ERC2: variants seen among roughly 807,000 people sequenced by gnomAD.
ERC2 encodes ERC protein 2.
ERC2 carries 42 observed loss-of-function variants against 114.8 expected under a neutral mutation model. The observed-to-expected ratio is 0.37, with a 90% CI of 0.29 to 0.47. The LOEUF (loss-of-function observed/expected upper bound fraction) is 0.47, where lower values mean the gene tolerates loss of function less well. Ranked by LOEUF, ERC2 falls within the 20% of genes least tolerant of loss-of-function variation. The pLI is 0.99. For synonymous variants in ERC2, 454 were observed against 425.5 expected, an observed-to-expected ratio of 1.07 and a Z score of -0.82; for missense variants, 939 against 1,150.7, an observed-to-expected ratio of 0.82 and a Z score of 2.66.
At chr3:55,621,997 C>G (rs2059348172) in intron 17 of ERC2, among the ~76,000 whole-genome samples, 1 of 152,104 alleles carries the variant, frequency 6.6e-6, no homozygotes, top group South Asian at 2.1e-4. Flanking sequence ...CAAAGGAGGC[C>G]TGGTATAATG....
At chr3:55,870,669 AG>A (rs1468962190) in intron 14 of ERC2, among the ~76,000 whole-genome samples, 1 of 152,160 alleles carries the variant, frequency 6.6e-6, no homozygotes, top group Non-Finnish European at 1.5e-5. Flanking sequence ...CTCATCACCC[AG>A]GGGTCAAGCA....
At chr3:55,820,821 G>T (rs1457384839) in intron 14 of ERC2, among the ~76,000 whole-genome samples, 1 of 152,322 alleles carries the variant, frequency 6.6e-6, no homozygotes, top group East Asian at 1.9e-4. Context: ...TCATTCATTT[G>T]TTCAACCATC....
chr3:55,815,524 G>A (rs1298757009), intron 14 of ERC2, among the ~76,000 whole-genome samples: 1 of 152,202 alleles, frequency 6.6e-6, no homozygotes, highest in Non-Finnish European at 1.5e-5. Context: ...AATCAATTCT[G>A]CCAACAACCA....
chr3:55,940,057 C>G (rs1336454013), intron 13 of ERC2, among the ~76,000 whole-genome samples: 2 of 152,148 alleles, frequency 1.3e-5, no homozygotes, highest in African/African-American at 4.8e-5. Flanking sequence ...TTCTATATTA[C>G]CAGGATGGTG....
At chr3:55,827,263 G>A (rs558444725) in intron 14 of ERC2, among the ~76,000 whole-genome samples, 27 of 148,788 alleles carry the variant, frequency 1.8e-4, no homozygotes, top group Admixed American at 1.7e-3. Flanking sequence ...GAAACAGAGA[G>A]AAAGAAAGAA....
chr3:56,275,691 C>G, intron 3 of ERC2, among the ~76,000 whole-genome samples: 1 of 152,178 alleles, frequency 6.6e-6, no homozygotes, highest in East Asian at 1.9e-4. Context: ...TCTTAGCTAG[C>G]AAACTCCCAG....
chr3:56,127,223 C>T (rs1253198583), intron 6 of ERC2, among the ~76,000 whole-genome samples: 13 of 152,124 alleles, frequency 8.5e-5, no homozygotes, highest in Admixed American at 8.5e-4. Flanking sequence ...GGAAGAATTA[C>T]TATTTTAAAA....
chr3:56,028,400 C>T (rs1462840941), intron 7 of ERC2, among the ~76,000 whole-genome samples: 1 of 152,054 alleles, frequency 6.6e-6, no homozygotes, highest in African/African-American at 2.4e-5. Context: ...GCAGAATTGA[C>T]ACCTTTACTA....
At chr3:56,297,836 A>T (rs1384360024) in intron 2 of ERC2, among the ~76,000 whole-genome samples, 1 of 152,204 alleles carries the variant, frequency 6.6e-6, no homozygotes, top group Non-Finnish European at 1.5e-5. Context: ...TATAGCTGAC[A>T]CTCAGAGGTA....
chr3:56,117,720 T>G (rs987783872), intron 6 of ERC2, among the ~76,000 whole-genome samples: 1 of 152,206 alleles, frequency 6.6e-6, no homozygotes, highest in African/African-American at 2.4e-5. Flanking sequence ...AAATCATAGC[T>G]ACAGCTCACT....
At chr3:56,240,870 A>T (rs556738529) in intron 3 of ERC2, among the ~76,000 whole-genome samples, 1 of 152,328 alleles carries the variant, frequency 6.6e-6, no homozygotes, top group South Asian at 2.1e-4. Context: ...CAGGTTGGTT[A>T]CGTGGATATA....
At chr3:56,170,780 T>TTTTTTC (rs1553861548) in intron 4 of ERC2, among the ~76,000 whole-genome samples, 2 of 148,554 alleles carry the variant, frequency 1.3e-5, no homozygotes, top group Non-Finnish European at 3.0e-5. Context: ...TTTTTTTTTT[T>TTTTTTC]CTGAGACAGA....
chr3:56,005,682 C>G (rs752712425), intron 10 of ERC2, among the ~76,000 whole-genome samples: 3 of 151,916 alleles, frequency 2.0e-5, no homozygotes, highest in Admixed American at 1.3e-4. Context: ...TATTTGAGGC[C>G]GTCTTTCTTC....
intron 3 of ERC2, among the ~76,000 whole-genome samples, chr3:56,237,488 TG>T (rs1461292957): frequency 6.6e-6 from 1 of 152,200 alleles, no homozygotes; most frequent in East Asian, 1.9e-4. Flanking sequence ...GGGCAGGTTT[TG>T]GGGATGTCAG....
At chr3:55,789,934 A>C (rs1424407522) in intron 14 of ERC2, among the ~76,000 whole-genome samples, 2 of 152,118 alleles carry the variant, frequency 1.3e-5, no homozygotes, top group Non-Finnish European at 2.9e-5. Flanking sequence ...GTTCTATTGG[A>C]CAGATGTAAG....
At position 55,947,632 on chromosome 3, in the gene ERC2, T is replaced by C. The variant is rs537862735; in HGVS notation, c.2403+2793A>G. Among the ~76,000 whole-genome samples, 78 of 152,296 alleles carry C rather than the reference T, an allele frequency of 5.1e-4. 1 individual carries two copies. In the South Asian group the frequency reaches 0.015, roughly 30 times the overall value. Reference sequence around the variant, plus strand: ...GACACCTGGCCTCAGAATGAACACGTGTAACAGAGCTGCCCCAGGCACCAC... The same window carrying C: ...GACACCTGGCCTCAGAATGAACACGCGTAACAGAGCTGCCCCAGGCACCAC... On this transcript the variant is annotated intron_variant, in intron 13 of 17. Coordinates refer to ENST00000288221, the MANE Select transcript of ERC2 (RefSeq NM_015576.3).
chr3:55,699,390 G>C lies in ERC2; in HGVS notation c.2835C>G (p.Pro945=), dbSNP rs1559516576. ...CGATGAAACTGACCTGGTCCGGAGA[G>C]GGCCTGTGATTGGAATGTTGCGACC... ...PGRSQHSNHR[P]SPDQDDEEGI... The change falls in exon 16 of 18, where the codon CCC becomes CCG. Residue 945 remains proline, a synonymous_variant. Transcript: ENST00000288221. 3 of 1,613,790 alleles carry C rather than the reference G, an allele frequency of 1.9e-6. No homozygotes were observed. The highest frequency in any genetic ancestry group is 2.5e-6 in the Non-Finnish European group (3 of 1,179,800).
At chr3:55,819,237 C>T (rs917727411) in intron 14 of ERC2, among the ~76,000 whole-genome samples, 25 of 152,252 alleles carry the variant, frequency 1.6e-4, no homozygotes, top group African/African-American at 5.3e-4. Flanking sequence ...TATGGGTCAC[C>T]GCTTTGAGTG....
chr3:56,225,172 CT>C (rs1228517174), intron 3 of ERC2, among the ~76,000 whole-genome samples: 3 of 152,116 alleles, frequency 2.0e-5, no homozygotes, highest in Non-Finnish European at 2.9e-5. Context: ...GTGCCCCCTC[CT>C]TTTTTCCCCA....
Sources: allele counts gnomAD v4.1 joint callset (sites outside exome capture counted in the v4.1 genomes callset), GRCh38; gene constraint gnomAD v4.1.1; transcripts MANE v1.5; gene names NCBI Gene and HGNC (gene_info 2026-07-23, HGNC 2026-07-21).